LRRC28: variants seen among roughly 807,000 people sequenced by gnomAD.
LRRC28 encodes the protein leucine rich repeat containing 28.
A neutral mutation model predicts 45.7 loss-of-function variants in LRRC28; 39 were observed. That is an observed-to-expected ratio of 0.85 (90% CI 0.66 to 1.12). LRRC28 has a LOEUF of 1.12. Ranked by LOEUF, LRRC28 falls within the 50% of genes most tolerant of loss-of-function variation. LRRC28 has a pLI of 0.00. For missense variants in LRRC28, 435 were observed against 438.5 expected, an observed-to-expected ratio of 0.99 and a Z score of 0.07; for synonymous variants, 206 against 178.8, an observed-to-expected ratio of 1.15 and a Z score of -1.22.
chr15:99,254,205 C>G (rs376470424), intron 1 of LRRC28, among the ~76,000 whole-genome samples: 3 of 152,212 alleles, frequency 2.0e-5, no homozygotes, highest in East Asian at 3.9e-4. Context: ...TTATCTTGCA[C>G]AAAGTCACAT....
At chr15:99,283,396 G>C (rs1488752840) in intron 3 of LRRC28, among the ~76,000 whole-genome samples, 1 of 149,708 alleles carries the variant, frequency 6.7e-6, no homozygotes, top group African/African-American at 2.5e-5. Context: ...GGTGGATCAC[G>C]AGGTCAGGAG....
At chr15:99,378,224 A>C (rs1423197774) in intron 9 of LRRC28, among the ~76,000 whole-genome samples, 1 of 152,150 alleles carries the variant, frequency 6.6e-6, no homozygotes, top group East Asian at 1.9e-4. Context: ...TTCGTTGAGC[A>C]GTGGTTTGTA....
At chr15:99,273,623 T>A (rs2081542488) in intron 2 of LRRC28, among the ~76,000 whole-genome samples, 1 of 152,208 alleles carries the variant, frequency 6.6e-6, no homozygotes, top group South Asian at 2.1e-4. Context: ...ACACAATGTA[T>A]CTACTTGTTA....
At chr15:99,251,664 C>G (rs2080790978) in intron 1 of LRRC28, 123 bp downstream of exon 1, 2 of 152,278 alleles carry the variant, frequency 1.3e-5, no homozygotes, top group Admixed American at 6.5e-5. Flanking sequence ...AGTGGGACAG[C>G]GGAGCCGTCC....
At chr15:99,335,262 T>C (rs1956285058) in intron 6 of LRRC28, among the ~76,000 whole-genome samples, 1 of 152,196 alleles carries the variant, frequency 6.6e-6, no homozygotes, top group Non-Finnish European at 1.5e-5. Context: ...CTCCAGCTTA[T>C]AGCCTGATTC....
intron 2 of LRRC28, among the ~76,000 whole-genome samples, chr15:99,268,740 TCTGG>T (rs1281997341): frequency 6.6e-6 from 1 of 152,234 alleles, no homozygotes; most frequent in Non-Finnish European, 1.5e-5. Context: ...AAATCATTGA[TCTGG>T]CTTAATGGGA....
At chr15:99,377,676 G>C (rs888736271) in intron 9 of LRRC28, among the ~76,000 whole-genome samples, 4 of 152,082 alleles carry the variant, frequency 2.6e-5, no homozygotes, top group African/African-American at 7.2e-5. Context: ...ATGGTTTTAG[G>C]TCTAATGTTT....
rs57298947 is a variant in LRRC28 at position 99,334,402 on chromosome 15, A to AGTGTGTGTGT, written c.592+302_592+311dup. On this transcript the variant is annotated intron_variant, in intron 6 of 9. Coordinates refer to ENST00000301981, the MANE Select transcript of LRRC28 (RefSeq NM_144598.5). ...ATTTCCTCAGAGAAAGGAATTAAAG[A>AGTGTGTGTGT]GTGTGTGTGTGTGTGTGTGTGTGTG... Among the ~76,000 whole-genome samples, 936 of 144,684 alleles carry AGTGTGTGTGT rather than the reference A, an allele frequency of 6.5e-3. 3 individuals are homozygous for AGTGTGTGTGT. Among genetic ancestry groups the AGTGTGTGTGT allele is most frequent in the African/African-American group, 0.018 (690 of 39,218 alleles). 94.9% of individuals were successfully genotyped at this position (144,684 alleles called of 152,430 possible).
intron 5 of LRRC28, among the ~76,000 whole-genome samples, chr15:99,321,426 G>A (rs1313648647): frequency 8.5e-5 from 13 of 152,178 alleles, no homozygotes; most frequent in Admixed American, 7.9e-4. Context: ...AGAGACTGGG[G>A]CTATTTAGCT....
chr15:99,382,499 C>A (rs1438401918), intron 9 of LRRC28, among the ~76,000 whole-genome samples: 1 of 152,204 alleles, frequency 6.6e-6, no homozygotes, highest in Admixed American at 6.5e-5. Flanking sequence ...CTTCTTTCAC[C>A]TAGATATTTA....
chr15:99,348,753 T>G (rs918562884), intron 6 of LRRC28, among the ~76,000 whole-genome samples: 5 of 123,264 alleles, frequency 4.1e-5, no homozygotes, highest in Non-Finnish European at 8.6e-5. Flanking sequence ...TGTTGTTTTT[T>G]TTTTGTTTTT....
chr15:99,252,195 A>T (rs1399287566), intron 1 of LRRC28, among the ~76,000 whole-genome samples: 3 of 152,192 alleles, frequency 2.0e-5, no homozygotes, highest in Non-Finnish European at 4.4e-5. Context: ...ACTATACAAG[A>T]GGTAGTTTGC....
At chr15:99,308,637 C>T (rs1261140380) in intron 5 of LRRC28, among the ~76,000 whole-genome samples, 2 of 152,154 alleles carry the variant, frequency 1.3e-5, no homozygotes, top group Non-Finnish European at 2.9e-5. Flanking sequence ...CGCTCCACTG[C>T]ACTTCAGCCT....
At chr15:99,306,613 A>G (rs1955191022) in intron 5 of LRRC28, among the ~76,000 whole-genome samples, 1 of 152,222 alleles carries the variant, frequency 6.6e-6, no homozygotes, top group Non-Finnish European at 1.5e-5. Context: ...ACCCTTCCAT[A>G]TAGCATAATA....
In LRRC28 at chr15:99,352,434, C is replaced by A; in HGVS notation, c.658C>A (p.Pro220Thr). 1 of 1,613,966 alleles carries A rather than the reference C, an allele frequency of 6.2e-7. No individual in the cohort carries two copies. The highest frequency in any genetic ancestry group is 8.5e-7 in the Non-Finnish European group (1 of 1,179,968). Reference sequence around the variant, plus strand: ...TAACAACATTCACCTGAAAGGCTTGCCATCTTATCTGTACAATAAAGTCAT... The same window carrying A: ...TAACAACATTCACCTGAAAGGCTTGACATCTTATCTGTACAATAAAGTCAT... ...VDNNIHLKGL[P>T]SYLYNKVIGC... The change falls in exon 7 of 10, where the codon CCA (proline) becomes ACA (threonine). Residue 220 changes from proline to threonine, a missense_variant. Coordinates refer to ENST00000301981, the MANE Select transcript of LRRC28 (RefSeq NM_144598.5).
At chr15:99,381,958 A>G (rs1347451880) in intron 9 of LRRC28, among the ~76,000 whole-genome samples, 1 of 152,206 alleles carries the variant, frequency 6.6e-6, no homozygotes, top group Non-Finnish European at 1.5e-5. Context: ...GGTGCCTCCC[A>G]GTTAGGCTAC....
intron 5 of LRRC28, among the ~76,000 whole-genome samples, chr15:99,291,476 C>T (rs574039238): frequency 1.3e-5 from 2 of 152,086 alleles, no homozygotes; most frequent in South Asian, 4.2e-4. Context: ...AGCACACGTC[C>T]CCTAAATGCT....
At position 99,389,773 on chromosome 15, in the gene LRRC28, A is replaced by T. The variant is rs1002067859; in HGVS notation, c.*3671A>T. ...CAGTGAATATCTTGCCTTTTCTTCAAACAAAGGGGGTTTTTATAAAGTTTG... is the reference window on the plus strand; with the variant it reads ...CAGTGAATATCTTGCCTTTTCTTCATACAAAGGGGGTTTTTATAAAGTTTG... On this transcript the variant is annotated 3_prime_UTR_variant, in exon 10 of 10. Transcript: ENST00000301981. 1.3e-5 allele frequency: 2 copies of T among 152,132 alleles called. No homozygotes were observed. Among genetic ancestry groups the T allele is most frequent in the African/African-American group, 2.4e-5 (1 of 41,422 alleles). 9.4% of individuals were successfully genotyped at this position (152,132 alleles called of 1,614,324 possible).
intron 2 of LRRC28, among the ~76,000 whole-genome samples, chr15:99,272,064 G>A (rs561896894): frequency 6.6e-6 from 1 of 152,236 alleles, no homozygotes; most frequent in Admixed American, 6.5e-5. Flanking sequence ...TTTTGTATAT[G>A]GTATGAGATA....
Sources: allele counts gnomAD v4.1 joint callset (sites outside exome capture counted in the v4.1 genomes callset), GRCh38; gene constraint gnomAD v4.1.1; transcripts MANE v1.5; gene names NCBI Gene and HGNC (gene_info 2026-07-23, HGNC 2026-07-21).